Variants in LGALS3 observed in about 807,000 individuals in gnomAD.
LGALS3 encodes galectin 3.
In LGALS3, 18 loss-of-function variants were observed where a neutral mutation model predicts 20.7. The observed-to-expected ratio is 0.87, with a 90% CI of 0.60 to 1.29. The LOEUF is 1.29. Ranked by LOEUF, LGALS3 falls within the 50% of genes most tolerant of loss-of-function variation. LGALS3 has a pLI of 0.00. For missense variants in LGALS3, 315 were observed against 314.7 expected (o/e 1.00, Z -0.01); for synonymous variants, 112 against 119.6 (o/e 0.94, Z 0.42).
chr14:55,130,470 A>T lies in LGALS3; in HGVS notation c.-5+1170A>T, dbSNP rs1881193531. 3.9e-5 allele frequency among the ~76,000 whole-genome samples: 6 copies of T among 152,358 alleles called. No homozygotes were observed. The South Asian group carries it at 1.2e-3, about 32-fold the overall frequency. ...GGAGAAGGCTCAGTTAATTCTGAAG[A>T]AAATGAGACTGATACAATTAACTAC... On this transcript the variant is annotated intron_variant, in intron 1 of 5. Transcript: ENST00000254301.
chr14:55,133,572 A>T (rs1881294248), intron 1 of LGALS3, among the ~76,000 whole-genome samples: 1 of 152,220 alleles, frequency 6.6e-6, no homozygotes, highest in Non-Finnish European at 1.5e-5. Flanking sequence ...GAATGTCATT[A>T]TAACTAAAAT....
At position 55,138,154 on chromosome 14, in the gene LGALS3, GGGC is replaced by G. The variant is rs1452019049; in HGVS notation, c.129_131del (p.Ala44del). 2 of 1,597,562 alleles carry G rather than the reference GGGC, an allele frequency of 1.3e-6. No individual in the cohort carries two copies. On this transcript the variant is annotated inframe_deletion, in exon 3 of 6. Coordinates refer to ENST00000254301, the MANE Select transcript of LGALS3 (RefSeq NM_002306.4). ...GGCTACCCAGGGGCTTCCTATCCTG[GGGC>G]CTACCCCGGGCAGGCACCCCCAGGG...
At chr14:55,132,800 C>G (rs529473724) in intron 1 of LGALS3, among the ~76,000 whole-genome samples, 15 of 152,262 alleles carry the variant, frequency 9.9e-5, no homozygotes, top group African/African-American at 3.4e-4. Flanking sequence ...AAACCCTAAC[C>G]TCATGATCCT....
At chr14:55,134,979 AC>A in intron 1 of LGALS3, among the ~76,000 whole-genome samples, 1 of 149,188 alleles carries the variant, frequency 6.7e-6, no homozygotes, top group East Asian at 2.0e-4. Flanking sequence ...ACATAGTGAG[AC>A]CCCGTGTCTA....
At chr14:55,140,391 C>T (rs368779475) in intron 4 of LGALS3, 28 bp downstream of exon 4, 21 of 1,446,680 alleles carry the variant, frequency 1.5e-5, no homozygotes, top group Non-Finnish European at 1.8e-5. Flanking sequence ...AACAAGTCTA[C>T]TCTATTTGTA....
Position 55,145,398 on chromosome 14 carries a change from A to AGTC in LGALS3, c.*127_*128insGTC. ...CTCTTGTAAGTCATCTACTTAATAA[A>AGTC]TATTACAGTGAATTACCTGTCTCAA... On this transcript the variant is annotated 3_prime_UTR_variant, in exon 6 of 6. Transcript: ENST00000254301. 6.7e-7 allele frequency: 1 copy of AGTC among 1,501,702 alleles called. No individual in the cohort carries two copies. Among genetic ancestry groups the AGTC allele is most frequent in the Non-Finnish European group, 9.0e-7 (1 of 1,113,238 alleles). The allele number at this position is 1,501,702 out of a possible 1,614,324, so 93.0% of individuals were successfully genotyped here.
chr14:55,138,296 A>G lies in LGALS3; in HGVS notation c.270A>G (p.Pro90=), dbSNP rs1268698930. ...CACCCAGCGGCCCTGGGGCCTACCC[A>G]TCTTCTGGACAGCCAAGTGCCACCG... ...PGPPSGPGAY[P]SSGQPSATGA... The change falls in exon 3 of 6, where the codon CCA becomes CCG. Residue 90 remains proline, a synonymous_variant. Coordinates refer to ENST00000254301, the MANE Select transcript of LGALS3 (RefSeq NM_002306.4). The G allele has an allele frequency of 1.9e-6, 3 of 1,612,662 alleles. No individual in the cohort carries two copies. Among genetic ancestry groups the G allele is most frequent in the East Asian group, 2.2e-5 (1 of 44,874 alleles).
chr14:55,142,184 T>C (rs887475905), intron 4 of LGALS3, among the ~76,000 whole-genome samples: 3 of 152,192 alleles, frequency 2.0e-5, no homozygotes, highest in Non-Finnish European at 4.4e-5. Context: ...TTACCAGGTA[T>C]TGAAAGCAAA....
rs746133984 is a variant in LGALS3 at position 55,140,301 on chromosome 14, TG to T, written c.374del (p.Gly125GlufsTer7). 7 of 1,613,676 alleles carry T rather than the reference TG, an allele frequency of 4.3e-6. No homozygotes were observed. In the Admixed American group the frequency reaches 5.0e-5, roughly 12 times the overall value. ...LIVPYNLPLP[G>X]GVVPRMLITI... is the part of the protein sequence containing the mutation. Reference sequence around the variant, plus strand: ...TTGTGCCTTATAACCTGCCTTTGCCTGGGGGAGTGGTGCCTCGCATGCTGAT... The same window carrying T: ...TTGTGCCTTATAACCTGCCTTTGCCTGGGGAGTGGTGCCTCGCATGCTGAT... On this transcript the variant is annotated frameshift_variant, in exon 4 of 6. Transcript: ENST00000254301. LOFTEE classifies it high-confidence loss of function.
intron 5 of LGALS3, among the ~76,000 whole-genome samples, chr14:55,143,949 C>T (rs975192890): frequency 6.6e-6 from 1 of 150,822 alleles, no homozygotes; most frequent in Non-Finnish European, 1.5e-5. Flanking sequence ...GAAATCTTTG[C>T]TTTAAATATA....
intron 3 of LGALS3, among the ~76,000 whole-genome samples, chr14:55,139,576 T>C (rs183071338): frequency 6.6e-6 from 1 of 152,256 alleles, no homozygotes; most frequent in Non-Finnish European, 1.5e-5. Flanking sequence ...CAGTGAGCTA[T>C]GATCACACCA....
chr14:55,139,805 C>T (rs1050090331), intron 3 of LGALS3, among the ~76,000 whole-genome samples: 1 of 151,996 alleles, frequency 6.6e-6, no homozygotes, highest in Non-Finnish European at 1.5e-5. Flanking sequence ...GTGTTCATTC[C>T]ATAAATATTG....
intron 5 of LGALS3, 132 bp from the exon 6 acceptor site, chr14:55,144,984 T>C (rs183825869): frequency 1.4e-6 from 1 of 705,370 alleles, no homozygotes; most frequent in Non-Finnish European, 2.4e-6. Context: ...TAATGGACAT[T>C]TTTTCCCTTT....
At chr14:55,139,459 A>G (rs1457027086) in intron 3 of LGALS3, among the ~76,000 whole-genome samples, 1 of 152,204 alleles carries the variant, frequency 6.6e-6, no homozygotes, top group Non-Finnish European at 1.5e-5. Flanking sequence ...CACCAGGACT[A>G]GAAAGAAAAT....
chr14:55,132,438 T>G (rs185581854), intron 1 of LGALS3, among the ~76,000 whole-genome samples: 2 of 152,206 alleles, frequency 1.3e-5, no homozygotes, highest in Admixed American at 1.3e-4. Context: ...TGTAAACTAC[T>G]CATCTGAAAA....
chr14:55,137,682 A>AGC, intron 2 of LGALS3: 1 of 1,406,156 alleles, frequency 7.1e-7, no homozygotes, highest in African/African-American at 1.4e-5. Flanking sequence ...TCCTCTGAGT[A>AGC]GCGGGAAGTG....
chr14:55,135,106 A>T (rs1414831550), intron 1 of LGALS3, among the ~76,000 whole-genome samples: 1 of 151,976 alleles, frequency 6.6e-6, no homozygotes, highest in Non-Finnish European at 1.5e-5. Flanking sequence ...GTGAGCCCTG[A>T]TATCATGTCA....
rs117803845 is a variant in LGALS3 at position 55,130,458 on chromosome 14, T to C, written c.-5+1158T>C. 3.0e-4 allele frequency among the ~76,000 whole-genome samples: 46 copies of C among 152,280 alleles called. No individual in the cohort carries two copies. In the East Asian group the frequency reaches 8.7e-3, roughly 29 times the overall value. On this transcript the variant is annotated intron_variant, in intron 1 of 5. Coordinates refer to ENST00000254301, the MANE Select transcript of LGALS3 (RefSeq NM_002306.4). ...GGGGAAGAAATGGGAGAAGGCTCAG[T>C]TAATTCTGAAGAAAATGAGACTGAT...
intron 5 of LGALS3, among the ~76,000 whole-genome samples, chr14:55,144,548 T>G (rs905075740): frequency 1.3e-5 from 2 of 152,310 alleles, no homozygotes; most frequent in Admixed American, 6.5e-5. Context: ...CCTGAATAAC[T>G]TGGAATTTTT....
Sources: allele counts gnomAD v4.1 joint callset (sites outside exome capture counted in the v4.1 genomes callset), GRCh38; gene constraint gnomAD v4.1.1; transcripts MANE v1.5; gene names NCBI Gene and HGNC (gene_info 2026-07-23, HGNC 2026-07-21).